Variants in KPNA4 observed in about 807,000 individuals in gnomAD.
KPNA4 encodes karyopherin subunit alpha 4.
In KPNA4, 13 loss-of-function variants were observed where a neutral mutation model predicts 71.3. That is an observed-to-expected ratio of 0.18 (90% CI 0.12 to 0.29). KPNA4 has a LOEUF of 0.29. KPNA4 is among the 10% of genes least tolerant of loss of function. KPNA4 has a pLI of 1.00. For missense variants in KPNA4, 334 were observed against 603.2 expected, an observed-to-expected ratio of 0.55 and a Z score of 4.67; for synonymous variants, 189 against 195.2, an observed-to-expected ratio of 0.97 and a Z score of 0.26.
chr3:160,528,136 C>A, intron 7 of KPNA4, 97 bp from the exon 8 acceptor site: 1 of 758,072 alleles, frequency 1.3e-6, no homozygotes, highest in Non-Finnish European at 2.1e-6. Flanking sequence ...AAAAGGGAAC[C>A]TATAAAAATA....
At chr3:160,558,894 G>C (rs556091296) in intron 1 of KPNA4, among the ~76,000 whole-genome samples, 4 of 152,216 alleles carry the variant, frequency 2.6e-5, no homozygotes, top group Admixed American at 2.0e-4. Context: ...TTAAAAGTCA[G>C]CTCACTTAAG....
Position 160,515,441 on chromosome 3 carries a change from A to C in KPNA4, c.1032+11T>G. On this transcript the variant is annotated intron_variant, in intron 12 of 16. Coordinates refer to ENST00000334256, the MANE Select transcript of KPNA4 (RefSeq NM_002268.5). ...AGTGCTATCTATTAAGTAGTATTTA[A>C]TAGTACTTACTTTATTAATTTTCTC... 6.2e-7 allele frequency: 1 copy of C among 1,603,872 alleles called. No individual in the cohort carries two copies. The highest frequency in any genetic ancestry group is 2.2e-5 in the East Asian group (1 of 44,446).
intron 1 of KPNA4, among the ~76,000 whole-genome samples, chr3:160,538,760 A>G (rs1721737784): frequency 6.6e-6 from 1 of 151,782 alleles, no homozygotes; most frequent in Non-Finnish European, 1.5e-5. Flanking sequence ...ACTCACACCA[A>G]CTCTGCTATT....
At chr3:160,508,317 T>C in intron 14 of KPNA4, 48 bp from the exon 15 acceptor site, 5 of 1,350,888 alleles carry the variant, frequency 3.7e-6, no homozygotes, top group Non-Finnish European at 5.0e-6. Context: ...GTAAACTTTG[T>C]GTGCCATGTT....
intron 12 of KPNA4, 58 bp downstream of exon 12, chr3:160,515,394 A>T: frequency 7.0e-7 from 1 of 1,426,510 alleles, no homozygotes; most frequent in South Asian, 1.3e-5. Context: ...TAATTTTACA[A>T]ATAGAAACTG....
At chr3:160,535,492 T>C in intron 5 of KPNA4, 21 bp downstream of exon 5, 6 of 1,580,048 alleles carry the variant, frequency 3.8e-6, no homozygotes, top group Non-Finnish European at 5.2e-6. Flanking sequence ...AATCTAAACA[T>C]GTCTTCCAAA....
chr3:160,559,904 TTA>T (rs1722209104), intron 1 of KPNA4, among the ~76,000 whole-genome samples: 1 of 152,094 alleles, frequency 6.6e-6, no homozygotes, highest in African/African-American at 2.4e-5. Context: ...TGTCCTTATT[TTA>T]TAGATATCAA....
intron 16 of KPNA4, 28 bp downstream of exon 16, chr3:160,504,930 T>C: frequency 8.8e-7 from 1 of 1,139,614 alleles, no homozygotes; most frequent in Non-Finnish European, 1.2e-6. Flanking sequence ...ATATATAAAA[T>C]TAAGAAAACT....
chr3:160,497,732 T>A lies in KPNA4; in HGVS notation c.*4372A>T, dbSNP rs181048225. ...AGAAGTTACAAAAAGGATAAGATAC[T>A]CAGCTATCTTGGCCTTCAAAACGCC... On this transcript the variant is annotated 3_prime_UTR_variant, in exon 17 of 17. Transcript: ENST00000334256. 1 of 152,272 alleles carries A rather than the reference T, an allele frequency of 6.6e-6. No individual in the cohort carries two copies. Among genetic ancestry groups the A allele is most frequent in the Admixed American group, 6.5e-5 (1 of 15,298 alleles). 9.4% of individuals were successfully genotyped at this position (152,272 alleles called of 1,614,324 possible).
At chr3:160,557,890 T>TAGGATGGTCTCAAA (rs1348502203) in intron 1 of KPNA4, among the ~76,000 whole-genome samples, 1 of 151,908 alleles carries the variant, frequency 6.6e-6, no homozygotes. Context: ...CCATATTGCC[T>TAGGATGGTCTCAAA]AGGATGGTCT....
At chr3:160,529,479 T>A (rs560226316) in intron 7 of KPNA4, among the ~76,000 whole-genome samples, 4 of 152,292 alleles carry the variant, frequency 2.6e-5, no homozygotes, top group African/African-American at 9.6e-5. Context: ...GAGGTAATTA[T>A]CTTTTCTAAG....
intron 8 of KPNA4, among the ~76,000 whole-genome samples, chr3:160,527,713 A>G (rs188264920): frequency 6.6e-6 from 1 of 152,352 alleles, no homozygotes; most frequent in African/African-American, 2.4e-5. Flanking sequence ...TACATCTTGC[A>G]TAATTATTCA....
intron 12 of KPNA4, chr3:160,515,033 A>G (rs1203244210): frequency 1.9e-6 from 1 of 519,262 alleles, no homozygotes. Context: ...TGTTATTTCT[A>G]CAACAGCCTC....
intron 16 of KPNA4, among the ~76,000 whole-genome samples, chr3:160,504,283 G>A (rs934896973): frequency 6.6e-6 from 1 of 152,016 alleles, no homozygotes; most frequent in Non-Finnish European, 1.5e-5. Context: ...AATATGGAAA[G>A]GCATGCAGTA....
At chr3:160,536,936 T>C in intron 1 of KPNA4, 96 bp from the exon 2 acceptor site, 2 of 609,382 alleles carry the variant, frequency 3.3e-6, no homozygotes, top group Admixed American at 2.6e-5. Context: ...ACCTCTAATC[T>C]TTTCTTTTAG....
At chr3:160,507,401 G>A (rs1003820448) in intron 15 of KPNA4, among the ~76,000 whole-genome samples, 3 of 151,218 alleles carry the variant, frequency 2.0e-5, no homozygotes, top group Non-Finnish European at 4.4e-5. Flanking sequence ...TCAGGAGGCT[G>A]AGGCAGAAGA....
intron 1 of KPNA4, among the ~76,000 whole-genome samples, chr3:160,550,568 ACTGC>A (rs1254108695): frequency 6.6e-6 from 1 of 152,154 alleles, no homozygotes; most frequent in Non-Finnish European, 1.5e-5. Context: ...ACACACCGCC[ACTGC>A]CTTATTTCTG....
At chr3:160,557,686 C>G (rs1327999193) in intron 1 of KPNA4, among the ~76,000 whole-genome samples, 1 of 152,104 alleles carries the variant, frequency 6.6e-6, no homozygotes, top group Non-Finnish European at 1.5e-5. Flanking sequence ...AAATTTCTAT[C>G]TATCTGAGAT....
intron 16 of KPNA4, among the ~76,000 whole-genome samples, chr3:160,502,467 C>A (rs1720903560): frequency 6.6e-6 from 1 of 151,830 alleles, no homozygotes; most frequent in African/African-American, 2.4e-5. Context: ...ACCTCTTGGG[C>A]TCAAGTGATC....
Sources: gnomAD v4.1 joint callset for allele counts (sites outside exome capture counted in the v4.1 genomes callset) on GRCh38, gnomAD v4.1.1 for gene constraint, MANE v1.5 for transcripts, NCBI Gene and HGNC (gene_info 2026-07-23, HGNC 2026-07-21) for gene names.